SPRYD7: variants seen among roughly 807,000 people sequenced by gnomAD.
SPRYD7 encodes the protein SPRY domain-containing protein 7.
In SPRYD7, 14 loss-of-function variants were observed where a neutral mutation model predicts 23.8. That is an observed-to-expected ratio of 0.59 (90% CI 0.39 to 0.92). The LOEUF is 0.92. SPRYD7 is among the 40% of genes least tolerant of loss of function. SPRYD7 has a pLI of 0.00. For synonymous variants in SPRYD7, 75 were observed against 84.9 expected, an observed-to-expected ratio of 0.88 and a Z score of 0.64; for missense variants, 194 against 241.7, an observed-to-expected ratio of 0.80 and a Z score of 1.31.
intron 1 of SPRYD7, among the ~76,000 whole-genome samples, chr13:49,935,920 A>G (rs1871602672): frequency 6.6e-6 from 1 of 152,040 alleles, no homozygotes; most frequent in Non-Finnish European, 1.5e-5. Context: ...TCGCGATGAC[A>G]GACACAGAGA....
At chr13:49,934,979 G>A (rs904639363) in intron 1 of SPRYD7, among the ~76,000 whole-genome samples, 3 of 152,174 alleles carry the variant, frequency 2.0e-5, no homozygotes, top group Non-Finnish European at 4.4e-5. Flanking sequence ...GAACTCCATC[G>A]TCTATAAATA....
chr13:49,918,684 G>C lies in SPRYD7; in HGVS notation c.493+2794C>G, dbSNP rs556702147. On this transcript the variant is annotated intron_variant, in intron 4 of 4. Coordinates refer to ENST00000361840, the MANE Select transcript of SPRYD7 (RefSeq NM_020456.4). The stretch of plus-strand genomic sequence containing the variant: ...TGAGCCACCGTGCCTGGCCTAATTA[G>C]TTATTTTTCTTTCTTTTTTAATTTT... 2.6e-5 allele frequency among the ~76,000 whole-genome samples: 4 copies of C among 151,256 alleles called. No individual in the cohort carries two copies. In the South Asian group the frequency reaches 8.4e-4, roughly 32 times the overall value.
intron 3 of SPRYD7, among the ~76,000 whole-genome samples, chr13:49,923,553 C>T (rs1196494619): frequency 1.3e-5 from 2 of 152,110 alleles, no homozygotes; most frequent in Non-Finnish European, 1.5e-5. Flanking sequence ...CTCAAACAAG[C>T]AAGTTTTAAA....
rs566820842 is a variant in SPRYD7, at chr13:49,922,881, A to G, written c.391-1301T>C. ...CTCTCTCTTTACAAGCAAGACAGCAAAAGCCCAGAGAAGCTAATGTGGTAA... is the reference window on the plus strand; with the variant it reads ...CTCTCTCTTTACAAGCAAGACAGCAGAAGCCCAGAGAAGCTAATGTGGTAA... On this transcript the variant is annotated intron_variant, in intron 3 of 4. Transcript: ENST00000361840. Among the ~76,000 whole-genome samples, 204 of 152,332 alleles carry G rather than the reference A, an allele frequency of 1.3e-3. 1 individual carries two copies. The highest frequency in any genetic ancestry group is 4.9e-3 in the African/African-American group (202 of 41,572).
At chr13:49,930,982 T>C in intron 2 of SPRYD7, 36 bp downstream of exon 2, 1 of 1,276,178 alleles carries the variant, frequency 7.8e-7, no homozygotes, top group East Asian at 2.4e-5. Flanking sequence ...TTTAGAACAA[T>C]TAGGACTTTT....
intron 4 of SPRYD7, among the ~76,000 whole-genome samples, chr13:49,919,247 T>G (rs1324839833): frequency 1.3e-5 from 2 of 151,482 alleles, no homozygotes; most frequent in Non-Finnish European, 2.9e-5. Context: ...TGAAACCCCA[T>G]CTCTAGTAAA....
chr13:49,931,369 TG>T (rs1477622427), intron 1 of SPRYD7, among the ~76,000 whole-genome samples: 5 of 152,052 alleles, frequency 3.3e-5, no homozygotes, highest in East Asian at 1.9e-4. Flanking sequence ...TTAGTAGAGA[TG>T]GGGGTTTCAC....
rs572670174 is a variant in SPRYD7 at position 49,925,340 on chromosome 13, C to T, written c.390+2579G>A. The stretch of plus-strand genomic sequence containing the variant: ...CCAGGAGGTGGAGGTTGCAGTGAGC[C>T]GAGATGGCACCACTGCAATCCAGCC... On this transcript the variant is annotated intron_variant, in intron 3 of 4. Transcript: ENST00000361840. Among the ~76,000 whole-genome samples the T allele has an allele frequency of 5.3e-5, 8 of 152,058 alleles. No homozygotes were observed. The South Asian group carries it at 8.3e-4, about 16-fold the overall frequency.
Position 49,923,984 on chromosome 13 carries a change from C to CT in SPRYD7, c.391-2405dup, listed in dbSNP as rs1288975552. The stretch of plus-strand genomic sequence containing the variant: ...TTTGTTTTTGTTTTTGAGACAAGGT[C>CT]TTTTTTTTTTTTTTTGAGGCAGAGT... On this transcript the variant is annotated intron_variant, in intron 3 of 4. Coordinates refer to ENST00000361840, the MANE Select transcript of SPRYD7 (RefSeq NM_020456.4). 1.8e-3 allele frequency among the ~76,000 whole-genome samples: 244 copies of CT among 135,322 alleles called. 1 individual carries two copies. The Middle Eastern group carries it at 0.036, about 20-fold the overall frequency. The allele number at this position is 135,322 out of a possible 152,430, so 88.8% of individuals were successfully genotyped here. A position where few individuals can be genotyped will look rare whatever the true frequency, so the allele number is the denominator to read the frequency against.
At chr13:49,928,611 T>C (rs1255622340) in intron 2 of SPRYD7, among the ~76,000 whole-genome samples, 1 of 152,184 alleles carries the variant, frequency 6.6e-6, no homozygotes, top group Non-Finnish European at 1.5e-5. Flanking sequence ...TGTTCCCTTA[T>C]CTGTGAACTG....
chr13:49,925,452 T>C (rs1205183649), intron 3 of SPRYD7, among the ~76,000 whole-genome samples: 1 of 152,132 alleles, frequency 6.6e-6, no homozygotes, highest in Non-Finnish European at 1.5e-5. Context: ...TTTATAAGAC[T>C]TCTCTAAAAG....
rs1955724677 is a variant in SPRYD7, at chr13:49,914,072, C to T, written c.*991G>A. ...CATCCTTGCCATGCTCATTTGAAAACAGACAACGTATCTAAAGATGTATAG... is the reference window on the plus strand; with the variant it reads ...CATCCTTGCCATGCTCATTTGAAAATAGACAACGTATCTAAAGATGTATAG... On this transcript the variant is annotated 3_prime_UTR_variant, in exon 5 of 5. Transcript: ENST00000361840. The T allele has an allele frequency of 6.5e-6, 1 of 153,642 alleles. No homozygotes were observed. The highest frequency in any genetic ancestry group is 2.4e-5 in the African/African-American group (1 of 41,424). 9.5% of individuals were successfully genotyped at this position (153,642 alleles called of 1,614,324 possible).
rs1439091945 is a variant in SPRYD7 at position 49,913,237 on chromosome 13, T to TG, written c.*1825dup. ...GAGTTTGAGACCAGCCTGGACAACA[T>TG]GGTGAAACCCCATCTCTACTAAAAA... is the stretch of plus-strand genomic sequence containing the variant. On this transcript the variant is annotated 3_prime_UTR_variant, in exon 5 of 5. Transcript: ENST00000361840. 4 of 152,118 alleles carry TG rather than the reference T, an allele frequency of 2.6e-5. No homozygotes were observed. Among genetic ancestry groups the TG allele is most frequent in the Non-Finnish European group, 5.9e-5 (4 of 68,094 alleles). 9.4% of individuals were successfully genotyped at this position (152,118 alleles called of 1,614,324 possible). A position where few individuals can be genotyped will look rare whatever the true frequency, so the allele number is the denominator to read the frequency against.
At chr13:49,925,014 A>ATAATAATAATAATAATAT (rs1955865503) in intron 3 of SPRYD7, among the ~76,000 whole-genome samples, 1 of 148,464 alleles carries the variant, frequency 6.7e-6, no homozygotes, top group Non-Finnish European at 1.5e-5. Flanking sequence ...AATAATAATA[A>ATAATAATAATAATAATAT]TAATAATAAT....
At chr13:49,928,125 A>G (rs1566406289) in intron 2 of SPRYD7, 40 bp from the exon 3 acceptor site, 2 of 1,562,144 alleles carry the variant, frequency 1.3e-6, no homozygotes, top group Non-Finnish European at 8.7e-7. Flanking sequence ...AAATCTGAAG[A>G]CTACAACCAT....
intron 4 of SPRYD7, among the ~76,000 whole-genome samples, chr13:49,919,358 A>C (rs1012894138): frequency 1.3e-5 from 2 of 152,152 alleles, no homozygotes; most frequent in Non-Finnish European, 2.9e-5. Flanking sequence ...ATCCTGGCCA[A>C]CATGGTGAAA....
intron 3 of SPRYD7, among the ~76,000 whole-genome samples, chr13:49,922,526 A>G (rs1053550781): frequency 2.0e-5 from 3 of 152,102 alleles, no homozygotes; most frequent in Non-Finnish European, 4.4e-5. Flanking sequence ...GGAAGTGGAA[A>G]AGCTGTGATT....
intron 1 of SPRYD7, among the ~76,000 whole-genome samples, chr13:49,934,556 A>C (rs1160873639): frequency 1.0e-5 from 1 of 97,808 alleles, no homozygotes; most frequent in Non-Finnish European, 2.1e-5. Flanking sequence ...ACTCCGTCTC[A>C]AAAAAAAAAA....
At chr13:49,916,582 C>T (rs1955754051) in intron 4 of SPRYD7, among the ~76,000 whole-genome samples, 1 of 150,244 alleles carries the variant, frequency 6.7e-6, no homozygotes, top group Non-Finnish European at 1.5e-5. Context: ...CAAACCTTCA[C>T]ATGTACCCCC....
Sources: allele counts gnomAD v4.1 joint callset (sites outside exome capture counted in the v4.1 genomes callset), GRCh38; gene constraint gnomAD v4.1.1; transcripts MANE v1.5; gene names NCBI Gene and HGNC (gene_info 2026-07-23, HGNC 2026-07-21).